PTPRT: variants seen among roughly 807,000 people sequenced by gnomAD.
The protein encoded by PTPRT is receptor-type tyrosine-protein phosphatase T.
Under a neutral mutation model 176.8 loss-of-function variants are expected in PTPRT, and 56 were observed. That is an observed-to-expected ratio of 0.32 (90% CI 0.26 to 0.40). PTPRT has a LOEUF of 0.40. Among genes scored for constraint, PTPRT ranks in the 10% least tolerant of loss-of-function variants. The pLI is 1.00. For missense variants in PTPRT, 1,540 were observed against 1,908.2 expected (o/e 0.81, Z 3.60); for synonymous variants, 783 against 739.0 (o/e 1.06, Z -0.96).
chr20:42,063,978 G>T, the PTPRT span: 9 of 151,748 alleles, frequency 5.9e-5, no homozygotes, highest in Non-Finnish European at 1.0e-4. Flanking sequence ...GCACTGAATT[G>T]AAAAAACTTT....
intron 6 of PTPRT, among the ~76,000 whole-genome samples, chr20:42,690,588 C>A (rs1409171316): frequency 6.6e-6 from 1 of 152,172 alleles, no homozygotes; most frequent in Non-Finnish European, 1.5e-5. Flanking sequence ...CTGCGCAGCC[C>A]ACATAAGTGG....
intron 7 of PTPRT, among the ~76,000 whole-genome samples, chr20:42,643,215 A>G (rs2074803487): frequency 6.6e-6 from 1 of 152,188 alleles, no homozygotes; most frequent in Non-Finnish European, 1.5e-5. Flanking sequence ...ATACATGCTG[A>G]TAACACCTGG....
intron 7 of PTPRT, among the ~76,000 whole-genome samples, chr20:42,544,951 C>T (rs1304679400): frequency 1.3e-5 from 2 of 152,148 alleles, no homozygotes; most frequent in Admixed American, 6.5e-5. Flanking sequence ...CTGTGTCTGA[C>T]CCAGACATGG....
chr20:42,446,275 T>TA (rs1418681385), intron 9 of PTPRT, among the ~76,000 whole-genome samples: 10 of 152,162 alleles, frequency 6.6e-5, no homozygotes, highest in Non-Finnish European at 1.5e-4. Flanking sequence ...CATGAGTTAG[T>TA]AAAAAATCAT....
intron 17 of PTPRT, among the ~76,000 whole-genome samples, chr20:42,142,891 C>A (rs1328250396): frequency 6.6e-6 from 1 of 152,134 alleles, no homozygotes; most frequent in Non-Finnish European, 1.5e-5. Context: ...ATAATTCCTT[C>A]ATGATACTGT....
At chr20:42,535,087 G>A (rs564046170) in intron 7 of PTPRT, among the ~76,000 whole-genome samples, 1 of 152,270 alleles carries the variant, frequency 6.6e-6, no homozygotes, top group South Asian at 2.1e-4. Flanking sequence ...TAGTAAATAA[G>A]GCGCTGTTAC....
At chr20:42,197,776 G>A (rs1461105427) in intron 16 of PTPRT, among the ~76,000 whole-genome samples, 1 of 151,994 alleles carries the variant, frequency 6.6e-6, no homozygotes, top group Non-Finnish European at 1.5e-5. Flanking sequence ...GTACAGCCAA[G>A]TGCAAAAGTG....
intron 2 of PTPRT, among the ~76,000 whole-genome samples, chr20:42,799,606 T>C (rs1465871955): frequency 1.3e-5 from 2 of 152,172 alleles, no homozygotes; most frequent in Admixed American, 1.3e-4. Context: ...CAACATAAAC[T>C]GTAAAACATA....
intron 2 of PTPRT, among the ~76,000 whole-genome samples, chr20:42,882,805 G>A (rs899124030): frequency 2.0e-5 from 3 of 152,330 alleles, no homozygotes; most frequent in South Asian, 2.1e-4. Flanking sequence ...GCTGTGATGC[G>A]TGCTACTAAG....
In PTPRT at chr20:42,076,962, T is replaced by C. The variant is rs1177846696; in HGVS notation, c.*3917A>G. 5.1e-6 allele frequency: 1 copy of C among 195,370 alleles called. No individual in the cohort carries two copies. Among genetic ancestry groups the C allele is most frequent in the Non-Finnish European group, 1.1e-5 (1 of 94,024 alleles). 12.1% of individuals were successfully genotyped at this position (195,370 alleles called of 1,614,324 possible). ...AATGTGAGATACAATGGTGGAAAAATATTGTCTCTGTAGTGAGAAAAAACC... is the reference window on the plus strand; with the variant it reads ...AATGTGAGATACAATGGTGGAAAAACATTGTCTCTGTAGTGAGAAAAAACC... On this transcript the variant is annotated 3_prime_UTR_variant, in exon 31 of 31. Transcript: ENST00000373187.
intron 9 of PTPRT, among the ~76,000 whole-genome samples, chr20:42,376,923 G>A (rs1189093235): frequency 6.6e-6 from 1 of 152,182 alleles, no homozygotes; most frequent in Non-Finnish European, 1.5e-5. Flanking sequence ...GATGCCAGCT[G>A]TGGAATTAAA....
intron 1 of PTPRT, among the ~76,000 whole-genome samples, chr20:43,028,400 C>T (rs1320020986): frequency 6.6e-6 from 1 of 152,196 alleles, no homozygotes; most frequent in African/African-American, 2.4e-5. Flanking sequence ...CTCCCAACTT[C>T]CCTGAAGTGT....
intron 7 of PTPRT, among the ~76,000 whole-genome samples, chr20:42,668,855 C>A (rs929507698): frequency 1.4e-4 from 16 of 112,458 alleles, no homozygotes; most frequent in Non-Finnish European, 2.9e-4. Context: ...CCACGCCCAG[C>A]TAATTTTTTT....
chr20:42,683,296 G>GTTTT (rs1190077776), intron 6 of PTPRT, among the ~76,000 whole-genome samples: 5 of 151,466 alleles, frequency 3.3e-5, no homozygotes, highest in Admixed American at 6.6e-5. Flanking sequence ...GTTTTGTTTT[G>GTTTT]AGACAGAGTC....
chr20:42,121,725 A>T (rs2146336694), intron 19 of PTPRT, among the ~76,000 whole-genome samples: 1 of 148,490 alleles, frequency 6.7e-6, no homozygotes, highest in South Asian at 2.1e-4. Context: ...ATAGTATTCC[A>T]TATATATATG....
intron 9 of PTPRT, among the ~76,000 whole-genome samples, chr20:42,382,312 G>T (rs190279734): frequency 4.6e-5 from 7 of 152,158 alleles, no homozygotes; most frequent in Non-Finnish European, 1.0e-4. Flanking sequence ...GGAGTTCGGG[G>T]ATATTTTCCT....
intron 6 of PTPRT, among the ~76,000 whole-genome samples, chr20:42,744,176 C>T (rs1419807868): frequency 6.6e-6 from 1 of 152,220 alleles, no homozygotes; most frequent in Admixed American, 6.5e-5. Flanking sequence ...CAAGACCTAC[C>T]CTTCAGGATC....
At chr20:42,208,566 A>G (rs2055533848) in intron 15 of PTPRT, among the ~76,000 whole-genome samples, 1 of 152,038 alleles carries the variant, frequency 6.6e-6, no homozygotes, top group Admixed American at 6.5e-5. Flanking sequence ...CATAATGGTA[A>G]AGGGATCAAT....
At chr20:42,638,248 G>A (rs1372704328) in intron 7 of PTPRT, among the ~76,000 whole-genome samples, 1 of 152,068 alleles carries the variant, frequency 6.6e-6, no homozygotes, top group Non-Finnish European at 1.5e-5. Context: ...GAGGGAAAAT[G>A]GGACATCTCA....
Sources: gnomAD v4.1 joint callset for allele counts (sites outside exome capture counted in the v4.1 genomes callset) on GRCh38, gnomAD v4.1.1 for gene constraint, MANE v1.5 for transcripts, NCBI Gene and HGNC (gene_info 2026-07-23, HGNC 2026-07-21) for gene names.